Variants in PPP1R37 observed in about 807,000 individuals in gnomAD.
The protein encoded by PPP1R37 is leucine rich repeat containing 68.
In PPP1R37, 21 loss-of-function variants were observed where a neutral mutation model predicts 61.0. The observed-to-expected ratio is 0.34, with a 90% CI of 0.24 to 0.50. The LOEUF (loss-of-function observed/expected upper bound fraction) is 0.50. Ranked by LOEUF, PPP1R37 falls within the 20% of genes least tolerant of loss-of-function variation. The probability of loss-of-function intolerance (pLI) is 0.98; values close to 1 mark genes in which losing one functional copy is unlikely to be tolerated. For missense variants in PPP1R37, 910 were observed against 952.7 expected, an observed-to-expected ratio of 0.96 and a Z score of 0.59; for synonymous variants, 443 against 433.5, an observed-to-expected ratio of 1.02 and a Z score of -0.27.
At chr19:45,109,761 G>T (rs1968177202) in intron 1 of PPP1R37, among the ~76,000 whole-genome samples, 1 of 152,310 alleles carries the variant, frequency 6.6e-6, no homozygotes, top group African/African-American at 2.4e-5. Flanking sequence ...AGCACCCTCT[G>T]TATGAGGGTC....
At chr19:45,124,290 A>G (rs1322427971) in intron 1 of PPP1R37, among the ~76,000 whole-genome samples, 1 of 152,040 alleles carries the variant, frequency 6.6e-6, no homozygotes, top group African/African-American at 2.4e-5. Context: ...TAATGTGTAA[A>G]GGGGAGGGAG....
intron 1 of PPP1R37, 30 bp from the exon 2 acceptor site, chr19:45,138,484 G>C: frequency 6.6e-7 from 1 of 1,516,220 alleles, no homozygotes; most frequent in Non-Finnish European, 8.9e-7. Context: ...GGTGTGGACA[G>C]TCACAGGCCT....
At position 45,145,895 on chromosome 19, in the gene PPP1R37, G is replaced by C; in HGVS notation, c.1839G>C (p.Arg613=). ...SLPPAGAIDT[R]DTGSSEPQPP... Reference sequence around the variant, plus strand: ...CACCAGCCGGGGCCATTGACACCCGGGACACAGGGTCCTCTGAGCCTCAGC... The same window carrying C: ...CACCAGCCGGGGCCATTGACACCCGCGACACAGGGTCCTCTGAGCCTCAGC... The change falls in exon 11 of 13, where the codon CGG becomes CGC. Residue 613 remains arginine (R), a synonymous_variant. Transcript: ENST00000221462. 1.4e-6 allele frequency: 2 copies of C among 1,467,014 alleles called. No homozygotes were observed. Among genetic ancestry groups the C allele is most frequent in the East Asian group, 2.9e-5 (1 of 35,086 alleles). The allele number at this position is 1,467,014 out of a possible 1,614,324, so 90.9% of individuals were successfully genotyped here.
chr19:45,108,418 G>C (rs1387227191), intron 1 of PPP1R37, among the ~76,000 whole-genome samples: 4 of 151,500 alleles, frequency 2.6e-5, no homozygotes, highest in African/African-American at 9.7e-5. Flanking sequence ...CTGTTGGCCA[G>C]GCTGGTCTCA....
chr19:45,097,018 A>G (rs927117124), intron 1 of PPP1R37, among the ~76,000 whole-genome samples: 3 of 152,068 alleles, frequency 2.0e-5, no homozygotes, highest in African/African-American at 7.2e-5. Flanking sequence ...GTTAGGCTCC[A>G]TGCTGGGGAG....
intron 8 of PPP1R37, chr19:45,144,442 C>T (rs1007795185): frequency 1.1e-4 from 20 of 177,978 alleles, no homozygotes; most frequent in African/African-American, 4.7e-4. Flanking sequence ...GTCACCGTGC[C>T]TGGTTTTCAG....
intron 1 of PPP1R37, chr19:45,128,519 C>G: frequency 9.3e-7 from 1 of 1,073,924 alleles, no homozygotes; most frequent in Non-Finnish European, 1.3e-6. Flanking sequence ...AGCGAGAAGA[C>G]AAGGTTGAGT....
chr19:45,115,906 G>A lies in PPP1R37; in HGVS notation c.202+22379G>A, dbSNP rs554773463. 4.6e-5 allele frequency among the ~76,000 whole-genome samples: 7 copies of A among 152,066 alleles called. No homozygotes were observed. In the East Asian group the frequency reaches 1.2e-3, roughly 25 times the overall value. On this transcript the variant is annotated intron_variant, in intron 1 of 12. Coordinates refer to ENST00000221462, the MANE Select transcript of PPP1R37 (RefSeq NM_019121.2). ...GGAGAATTGCGTGAACCCAGGAAGCGGAAGTTGCAGTGAGCTGAGATTGTG... is the reference window on the plus strand; with the variant it reads ...GGAGAATTGCGTGAACCCAGGAAGCAGAAGTTGCAGTGAGCTGAGATTGTG...
At chr19:45,096,895 T>C (rs1215368799) in intron 1 of PPP1R37, among the ~76,000 whole-genome samples, 2 of 150,912 alleles carry the variant, frequency 1.3e-5, no homozygotes, top group African/African-American at 2.4e-5. Flanking sequence ...CAGTGAGGAG[T>C]TGGATGATCT....
intron 1 of PPP1R37, among the ~76,000 whole-genome samples, chr19:45,129,927 G>A (rs1374249976): frequency 6.6e-6 from 1 of 152,220 alleles, no homozygotes; most frequent in Non-Finnish European, 1.5e-5. Context: ...AATAGTCGAG[G>A]CAGACCTGGG....
chr19:45,114,898 G>C (rs970167338), intron 1 of PPP1R37, among the ~76,000 whole-genome samples: 1 of 152,136 alleles, frequency 6.6e-6, no homozygotes, highest in Non-Finnish European at 1.5e-5. Flanking sequence ...CCAGCTGGGG[G>C]GCTTATGGAG....
intron 1 of PPP1R37, among the ~76,000 whole-genome samples, chr19:45,110,377 G>A (rs1341880549): frequency 6.6e-6 from 1 of 151,954 alleles, no homozygotes; most frequent in Non-Finnish European, 1.5e-5. Flanking sequence ...TGGCCTCCGA[G>A]AGTGCTGGGA....
chr19:45,102,325 G>A (rs1968074566), intron 1 of PPP1R37, among the ~76,000 whole-genome samples: 2 of 152,240 alleles, frequency 1.3e-5, no homozygotes, highest in African/African-American at 4.8e-5. Flanking sequence ...CTCGTTCCAT[G>A]TTTGTGAAAT....
intron 1 of PPP1R37, among the ~76,000 whole-genome samples, chr19:45,132,066 T>A (rs73562267): frequency 0.15 from 22,434 of 152,098 alleles, 1,938 homozygotes; most frequent in African/African-American, 0.22. Context: ...TAGAAAATAC[T>A]CACACACCCA....
rs141171797 is a variant in PPP1R37, at chr19:45,140,792, G to A, written c.447+186G>A. On this transcript the variant is annotated intron_variant, in intron 4 of 12. Coordinates refer to ENST00000221462, the MANE Select transcript of PPP1R37 (RefSeq NM_019121.2). The stretch of plus-strand genomic sequence containing the variant: ...TATGACCAGAGTGGATGTGGAGGGC[G>A]CGTTGGGGCACCTATGGCCCACCCT... 7.8e-4 allele frequency: 464 copies of A among 592,566 alleles called. 2 individuals are homozygous for A. The highest frequency in any genetic ancestry group is 7.5e-3 in the African/African-American group (406 of 53,842). The allele number at this position is 592,566 out of a possible 1,614,324, so 36.7% of individuals were successfully genotyped here.
chr19:45,132,512 G>A (rs1176669004), intron 1 of PPP1R37, among the ~76,000 whole-genome samples: 2 of 152,062 alleles, frequency 1.3e-5, no homozygotes, highest in Non-Finnish European at 2.9e-5. Context: ...TTGTTGCTCG[G>A]CTGGTCTTGA....
intron 1 of PPP1R37, among the ~76,000 whole-genome samples, chr19:45,096,742 G>A (rs143121993): frequency 1.7e-3 from 263 of 152,130 alleles, no homozygotes; most frequent in Non-Finnish European, 3.4e-3. Context: ...TCATTCCAGC[G>A]GTTGAGAGAG....
Position 45,125,266 on chromosome 19 carries a change from C to T in PPP1R37, c.203-13248C>T, listed in dbSNP as rs377114315. Among the ~76,000 whole-genome samples the T allele has an allele frequency of 2.2e-3, 332 of 152,102 alleles. 1 individual carries two copies. The highest frequency in any genetic ancestry group is 7.6e-3 in the African/African-American group (316 of 41,486). On this transcript the variant is annotated intron_variant, in intron 1 of 12. Transcript: ENST00000221462. The stretch of plus-strand genomic sequence containing the variant: ...GATCATTAGGTCAAGAGCTGGAGAC[C>T]ATCCTGGCCAACATGGTGAAACCCC...
chr19:45,137,816 CCAAAAATA>C (rs1329241489), intron 1 of PPP1R37, among the ~76,000 whole-genome samples: 1 of 149,408 alleles, frequency 6.7e-6, no homozygotes, highest in Non-Finnish European at 1.5e-5. Context: ...ATTCTTTCAC[CCAAAAATA>C]CAAAAATACA....
Sources: allele counts gnomAD v4.1 joint callset (sites outside exome capture counted in the v4.1 genomes callset), GRCh38; gene constraint gnomAD v4.1.1; transcripts MANE v1.5; gene names NCBI Gene and HGNC (gene_info 2026-07-23, HGNC 2026-07-21).